NPY2R: variants seen among roughly 807,000 people sequenced by gnomAD.
The protein encoded by NPY2R is neuropeptide Y receptor type 2.
In NPY2R, 17 loss-of-function variants were observed where a neutral mutation model predicts 22.3. The observed-to-expected ratio is 0.76, with a 90% CI of 0.52 to 1.14. NPY2R has a LOEUF of 1.14. Ranked by LOEUF, NPY2R falls within the 50% of genes most tolerant of loss-of-function variation. The pLI, the probability that NPY2R is intolerant of heterozygous loss-of-function variation, is 0.00. For missense variants in NPY2R, 424 were observed against 467.9 expected (o/e 0.91, Z 0.87); for synonymous variants, 209 against 183.4 (o/e 1.14, Z -1.13).
chr4:155,215,128 G>A lies in NPY2R; in HGVS notation c.*43G>A, dbSNP rs897248611. 34 of 1,543,238 alleles carry A rather than the reference G, an allele frequency of 2.2e-5. No individual in the cohort carries two copies. The highest frequency in any genetic ancestry group is 3.0e-5 in the Non-Finnish European group (34 of 1,116,504). On this transcript the variant is annotated 3_prime_UTR_variant, in exon 2 of 2. Coordinates refer to ENST00000329476, the MANE Select transcript of NPY2R (RefSeq NM_000910.4). ...AATGTATGGATGAATTCTGACCAGAGCTATGAATCTGGTTGATGGCGGCTC... is the reference window on the plus strand; with the variant it reads ...AATGTATGGATGAATTCTGACCAGAACTATGAATCTGGTTGATGGCGGCTC...
the NPY2R span, among the ~76,000 whole-genome samples, chr4:155,176,351 C>CA: frequency 6.6e-6 from 1 of 152,164 alleles, no homozygotes; most frequent in Non-Finnish European, 1.5e-5. Context: ...CTCCATCTCT[C>CA]AGTCTTGCGT....
chr4:155,193,570 G>A, the NPY2R span, among the ~76,000 whole-genome samples: 5 of 151,926 alleles, frequency 3.3e-5, no homozygotes, highest in Admixed American at 1.3e-4. Context: ...GTACCTAGAA[G>A]AGGAGATGAC....
the NPY2R span, among the ~76,000 whole-genome samples, chr4:155,180,008 ATT>A: frequency 7.1e-5 from 7 of 99,240 alleles, no homozygotes; most frequent in East Asian, 2.6e-3. Flanking sequence ...TCTATATTTT[ATT>A]TTGTTTTTTT....
At chr4:155,174,567 G>A in the NPY2R span, among the ~76,000 whole-genome samples, 1 of 149,496 alleles carries the variant, frequency 6.7e-6, no homozygotes, top group Non-Finnish European at 1.5e-5. Context: ...AGCCTAAGAA[G>A]AGAACTTTTA....
At chr4:155,194,418 G>C in the NPY2R span, among the ~76,000 whole-genome samples, 1 of 151,674 alleles carries the variant, frequency 6.6e-6, no homozygotes, top group Non-Finnish European at 1.5e-5. Flanking sequence ...TCCTCAAGTA[G>C]GCCTCAGTGT....
intron 1 of NPY2R, among the ~76,000 whole-genome samples, chr4:155,212,878 C>A (rs986171500): frequency 2.6e-5 from 4 of 152,174 alleles, no homozygotes; most frequent in Admixed American, 2.6e-4. Context: ...ACTGTTCCAA[C>A]CCAAGTTTCC....
At chr4:155,212,255 G>A (rs76694590) in intron 1 of NPY2R, among the ~76,000 whole-genome samples, 4,467 of 152,220 alleles carry the variant, frequency 0.029, 219 homozygotes, top group African/African-American at 0.1. Context: ...GTGATTATGA[G>A]CATATTTGAA....
chr4:155,197,282 A>C, the NPY2R span, among the ~76,000 whole-genome samples: 38 of 152,160 alleles, frequency 2.5e-4, no homozygotes, highest in African/African-American at 9.1e-4. Context: ...GTGAGGTCAT[A>C]TATGAATGAC....
At chr4:155,194,708 T>C in the NPY2R span, among the ~76,000 whole-genome samples, 1 of 152,022 alleles carries the variant, frequency 6.6e-6, no homozygotes, top group African/African-American at 2.4e-5. Flanking sequence ...AACACATAAA[T>C]GCATGTGTCT....
At chr4:155,188,006 A>T in the NPY2R span, among the ~76,000 whole-genome samples, 2 of 152,278 alleles carry the variant, frequency 1.3e-5, no homozygotes, top group East Asian at 3.9e-4. Flanking sequence ...ATAATGCAAT[A>T]AACCTTTGGT....
At chr4:155,177,080 G>GC in the NPY2R span, among the ~76,000 whole-genome samples, 2 of 152,008 alleles carry the variant, frequency 1.3e-5, no homozygotes, top group Admixed American at 6.6e-5. Flanking sequence ...TCTGACACTG[G>GC]CCCCCCAAAT....
upstream of NPY2R, among the ~76,000 whole-genome samples, chr4:155,203,664 G>A (rs918329787): frequency 2.0e-5 from 3 of 152,010 alleles, no homozygotes; most frequent in East Asian, 1.9e-4. Context: ...TAACCAAATG[G>A]CCATTAGGAT....
chr4:155,176,942 A>C, the NPY2R span, among the ~76,000 whole-genome samples: 1 of 152,134 alleles, frequency 6.6e-6, no homozygotes, highest in Non-Finnish European at 1.5e-5. Context: ...AAAGGGCCTA[A>C]GCTAGTTCCT....
chr4:155,205,290 A>C (rs1729260927), upstream of NPY2R, among the ~76,000 whole-genome samples: 1 of 152,136 alleles, frequency 6.6e-6, no homozygotes, highest in South Asian at 2.1e-4. Context: ...GATAATGCCT[A>C]TTTCTTCTAT....
chr4:155,188,771 G>T, the NPY2R span, among the ~76,000 whole-genome samples: 2 of 152,182 alleles, frequency 1.3e-5, 1 homozygote. Flanking sequence ...CTTTGAAGCT[G>T]ATCCTTTCCC....
the NPY2R span, among the ~76,000 whole-genome samples, chr4:155,198,544 T>C: frequency 1.2e-5 from 1 of 83,630 alleles, no homozygotes; most frequent in Admixed American, 1.3e-4. Flanking sequence ...AAATATCTTA[T>C]ATAAATATAA....
At chr4:155,209,221 GT>G (rs1343438491) in intron 1 of NPY2R, among the ~76,000 whole-genome samples, 152 bp downstream of exon 1, 6 of 152,204 alleles carry the variant, frequency 3.9e-5, no homozygotes, top group African/African-American at 1.4e-4. Flanking sequence ...TTTGGAGGAT[GT>G]AATACCATCC....
chr4:155,209,529 C>T (rs1228359887), intron 1 of NPY2R, among the ~76,000 whole-genome samples: 1 of 152,098 alleles, frequency 6.6e-6, no homozygotes, highest in Admixed American at 6.5e-5. Context: ...AGACTTTTTG[C>T]AATAGGTACA....
the NPY2R span, among the ~76,000 whole-genome samples, chr4:155,182,412 A>G: frequency 6.6e-6 from 1 of 152,186 alleles, no homozygotes; most frequent in Non-Finnish European, 1.5e-5. Flanking sequence ...GCATTTGGTC[A>G]TGTTTCCCAA....
Sources: allele counts gnomAD v4.1 joint callset (sites outside exome capture counted in the v4.1 genomes callset), GRCh38; gene constraint gnomAD v4.1.1; transcripts MANE v1.5; gene names NCBI Gene and HGNC (gene_info 2026-07-23, HGNC 2026-07-21).